The following CNTNAP2 variants were observed in gnomAD, a reference collection of about 807,000 sequenced individuals.
CNTNAP2 encodes contactin-associated protein-like 2.
A neutral mutation model predicts 155.2 loss-of-function variants in CNTNAP2; 98 were observed. The observed-to-expected ratio is 0.63, with a 90% confidence interval of 0.54 to 0.75. The LOEUF is 0.75. CNTNAP2 is among the 30% of genes least tolerant of loss of function. CNTNAP2 has a pLI of 0.00. For synonymous variants in CNTNAP2, 651 were observed against 631.2 expected (o/e 1.03, Z -0.47); for missense variants, 1,727 against 1,688.1 (o/e 1.02, Z -0.40).
intron 8 of CNTNAP2, among the ~76,000 whole-genome samples, chr7:147,178,031 GCAGAATAATGCCCCATCCGCCCCCC>G (rs1210275487): frequency 2.0e-5 from 3 of 152,062 alleles, no homozygotes; most frequent in African/African-American, 7.2e-5. Context: ...TCTGTGGAAG[GCAGAATAATGCCCCATCCGCCCCCC>G]CACCACGAAG....
chr7:147,309,961 G>A lies in CNTNAP2; in HGVS notation c.1498+9671G>A, dbSNP rs1795092960. Among the ~76,000 whole-genome samples the A allele has an allele frequency of 2.0e-5, 3 of 152,004 alleles. No homozygotes were observed. The South Asian group carries it at 6.3e-4, about 32-fold the overall frequency. ...CAATCTAATTCCCAAAGAACTTTCA[G>A]GCTTTTTTTATTTGTTTACCAATTA... On this transcript the variant is annotated intron_variant, in intron 9 of 23. Coordinates refer to ENST00000361727, the MANE Select transcript of CNTNAP2 (RefSeq NM_014141.6).
chr7:147,024,938 A>T (rs1212710001), intron 3 of CNTNAP2, among the ~76,000 whole-genome samples: 1 of 151,996 alleles, frequency 6.6e-6, no homozygotes, highest in Non-Finnish European at 1.5e-5. Context: ...CAATCACATC[A>T]CGTGAGAACT....
At chr7:146,441,120 T>C (rs1526149) in intron 1 of CNTNAP2, among the ~76,000 whole-genome samples, 5,625 of 151,576 alleles carry the variant, frequency 0.037, 594 homozygotes, top group African/African-American at 0.13. Flanking sequence ...AGAGGATACA[T>C]TCAATAATGT....
chr7:147,249,819 C>T (rs1804153814), intron 8 of CNTNAP2, among the ~76,000 whole-genome samples: 1 of 152,192 alleles, frequency 6.6e-6, no homozygotes, highest in South Asian at 2.1e-4. Flanking sequence ...AAGTTCCGTG[C>T]TCTTTGCTGG....
chr7:147,808,159 C>G (rs1368191970), intron 13 of CNTNAP2, among the ~76,000 whole-genome samples: 3 of 152,062 alleles, frequency 2.0e-5, no homozygotes, highest in Admixed American at 6.6e-5. Flanking sequence ...GTCCTGGCCT[C>G]TCCATATGGC....
intron 20 of CNTNAP2, among the ~76,000 whole-genome samples, chr7:148,244,107 C>G (rs1231554786): frequency 6.6e-6 from 1 of 152,148 alleles, no homozygotes; most frequent in African/African-American, 2.4e-5. Context: ...TTATTTTATG[C>G]GTAGGAGAAG....
At chr7:146,396,007 T>A (rs1029990329) in intron 1 of CNTNAP2, among the ~76,000 whole-genome samples, 29 of 152,104 alleles carry the variant, frequency 1.9e-4, no homozygotes, top group African/African-American at 7.0e-4. Context: ...TTCAGATAAG[T>A]TAACATTCCC....
intron 21 of CNTNAP2, among the ~76,000 whole-genome samples, chr7:148,312,918 G>T (rs1204920652): frequency 6.6e-6 from 1 of 151,406 alleles, no homozygotes; most frequent in Non-Finnish European, 1.5e-5. Context: ...ATACAAGTGG[G>T]GGGGATGTGA....
At chr7:146,611,770 A>G (rs752783580) in intron 1 of CNTNAP2, among the ~76,000 whole-genome samples, 3 of 152,194 alleles carry the variant, frequency 2.0e-5, no homozygotes, top group Non-Finnish European at 4.4e-5. Context: ...CAAGCTTTAT[A>G]GTAGTAATGC....
Position 146,741,583 on chromosome 7 carries a change from G to A in CNTNAP2, c.98-32688G>A, listed in dbSNP as rs527794821. Reference sequence around the variant, plus strand: ...AGCACAGAGAATAATAGCTGTTCCCGAAAAGACAAAGGATATGAATTTATG... The same window carrying A: ...AGCACAGAGAATAATAGCTGTTCCCAAAAAGACAAAGGATATGAATTTATG... On this transcript the variant is annotated intron_variant, in intron 1 of 23. Transcript: ENST00000361727. Among the ~76,000 whole-genome samples, 18 of 152,220 alleles carry A rather than the reference G, an allele frequency of 1.2e-4. No individual in the cohort carries two copies. The East Asian group carries it at 2.3e-3, about 20-fold the overall frequency.
chr7:146,792,123 C>G (rs1802685483), intron 2 of CNTNAP2, among the ~76,000 whole-genome samples: 1 of 152,136 alleles, frequency 6.6e-6, no homozygotes, highest in Non-Finnish European at 1.5e-5. Context: ...TACAGTGATT[C>G]ATATTTCAGG....
At chr7:146,696,884 A>T (rs1231673918) in intron 1 of CNTNAP2, among the ~76,000 whole-genome samples, 1 of 152,168 alleles carries the variant, frequency 6.6e-6, no homozygotes, top group Non-Finnish European at 1.5e-5. Context: ...TACTTTAAAT[A>T]ACTTCAATAG....
At chr7:146,927,106 GTCTT>G (rs1796624529) in intron 3 of CNTNAP2, among the ~76,000 whole-genome samples, 1 of 152,100 alleles carries the variant, frequency 6.6e-6, no homozygotes, top group African/African-American at 2.4e-5. Context: ...AATTCCAACA[GTCTT>G]TCTCTTTTCA....
At chr7:148,185,262 C>T (rs1795098681) in intron 18 of CNTNAP2, among the ~76,000 whole-genome samples, 1 of 152,134 alleles carries the variant, frequency 6.6e-6, no homozygotes, top group East Asian at 1.9e-4. Context: ...AATGCATGGC[C>T]CTGATTAAAT....
In CNTNAP2 at chr7:147,015,334, C is replaced by T. The variant is rs138546883; in HGVS notation, c.403-28573C>T. Among the ~76,000 whole-genome samples, 499 of 152,162 alleles carry T rather than the reference C, an allele frequency of 3.3e-3. 1 individual carries two copies. Among genetic ancestry groups the T allele is most frequent in the African/African-American group, 0.011 (472 of 41,542 alleles). On this transcript the variant is annotated intron_variant, in intron 3 of 23. Coordinates refer to ENST00000361727, the MANE Select transcript of CNTNAP2 (RefSeq NM_014141.6). ...ATAATATAAAGTTCTTAGCACCTGT[C>T]TGACATTTCTTATTTTTAGTTATAT...
At chr7:146,344,480 T>C (rs1211526879) in intron 1 of CNTNAP2, among the ~76,000 whole-genome samples, 1 of 152,086 alleles carries the variant, frequency 6.6e-6, no homozygotes, top group Non-Finnish European at 1.5e-5. Flanking sequence ...CTTTTTTTTT[T>C]TTTCTTTTTC....
chr7:146,750,892 C>T (rs1442907916), intron 1 of CNTNAP2, among the ~76,000 whole-genome samples: 1 of 151,986 alleles, frequency 6.6e-6, no homozygotes, highest in Middle Eastern at 3.2e-3. Flanking sequence ...TTGCTTAGTC[C>T]AGCTTCCTGA....
intron 13 of CNTNAP2, among the ~76,000 whole-genome samples, chr7:147,811,747 A>G (rs1798182874): frequency 6.6e-6 from 1 of 152,170 alleles, no homozygotes; most frequent in Admixed American, 6.5e-5. Context: ...TTCTTGACCC[A>G]AATAATTCAG....
At chr7:147,267,514 CCTCA>C (rs1804639784) in intron 8 of CNTNAP2, among the ~76,000 whole-genome samples, 1 of 151,590 alleles carries the variant, frequency 6.6e-6, no homozygotes, top group African/African-American at 2.4e-5. Context: ...CAAAATTTAC[CCTCA>C]CTATTAAGCT....
Sources: gnomAD v4.1 joint callset for allele counts (sites outside exome capture counted in the v4.1 genomes callset) on GRCh38, gnomAD v4.1.1 for gene constraint, MANE v1.5 for transcripts, NCBI Gene and HGNC (gene_info 2026-07-23, HGNC 2026-07-21) for gene names.